Variants in BRINP3 observed in about 807,000 individuals in gnomAD.
BRINP3 encodes BMP/retinoic acid-inducible neural-specific protein 3.
In BRINP3, 19 loss-of-function variants were observed where a neutral mutation model predicts 71.0. That is an observed-to-expected ratio of 0.27 (90% CI 0.19 to 0.39). The LOEUF (loss-of-function observed/expected upper bound fraction) is 0.39. BRINP3 is among the 10% of genes least tolerant of loss of function. The probability of loss-of-function intolerance (pLI) is 1.00; values close to 1 mark genes in which losing one functional copy is unlikely to be tolerated. For missense variants in BRINP3, 959 were observed against 940.8 expected, an observed-to-expected ratio of 1.02 and a Z score of -0.25; for synonymous variants, 380 against 337.7, an observed-to-expected ratio of 1.13 and a Z score of -1.37.
intron 2 of BRINP3, among the ~76,000 whole-genome samples, chr1:190,399,057 A>C (rs2102346303): frequency 6.6e-6 from 1 of 152,124 alleles, no homozygotes. Context: ...CTTTGTGCGC[A>C]GAAATTACTA....
intron 1 of BRINP3, among the ~76,000 whole-genome samples, chr1:190,472,347 G>A (rs1439170104): frequency 1.3e-5 from 2 of 151,480 alleles, no homozygotes; most frequent in Non-Finnish European, 3.0e-5. Flanking sequence ...CCTTTATTAC[G>A]ATGTGAAAGA....
At chr1:190,426,478 T>C (rs1473059070) in intron 2 of BRINP3, among the ~76,000 whole-genome samples, 6 of 151,896 alleles carry the variant, frequency 4.0e-5, no homozygotes, top group Admixed American at 3.9e-4. Context: ...TGAGCGTCCC[T>C]AATCCAAAAA....
intron 2 of BRINP3, among the ~76,000 whole-genome samples, chr1:190,353,917 C>T (rs965993535): frequency 4.6e-5 from 7 of 152,086 alleles, no homozygotes; most frequent in African/African-American, 1.7e-4. Context: ...TGCTTTCACT[C>T]TTAGTTTTGC....
At chr1:190,140,383 TTA>T (rs981339053) in intron 7 of BRINP3, among the ~76,000 whole-genome samples, 2 of 152,128 alleles carry the variant, frequency 1.3e-5, no homozygotes, top group African/African-American at 2.4e-5. Context: ...ACTATTATTA[TTA>T]TATGTTTATT....
chr1:190,440,945 G>T (rs932189576), intron 2 of BRINP3, among the ~76,000 whole-genome samples: 1 of 151,786 alleles, frequency 6.6e-6, no homozygotes, highest in Admixed American at 6.6e-5. Flanking sequence ...AAAAAGAAAA[G>T]GAGGGTCCTA....
At chr1:190,311,020 G>C (rs923585489) in intron 2 of BRINP3, among the ~76,000 whole-genome samples, 3 of 151,630 alleles carry the variant, frequency 2.0e-5, no homozygotes, top group African/African-American at 7.3e-5. Flanking sequence ...TTGAATGCTA[G>C]AGCCAGGTTT....
chr1:190,281,842 A>C (rs1447654212), intron 2 of BRINP3, 92 bp from the exon 3 acceptor site: 1 of 1,179,926 alleles, frequency 8.5e-7, no homozygotes, highest in African/African-American at 1.6e-5. Flanking sequence ...AGTACATTAC[A>C]ATGTCTCTTG....
chr1:190,314,366 T>C (rs777144370), intron 2 of BRINP3, among the ~76,000 whole-genome samples: 4 of 152,220 alleles, frequency 2.6e-5, no homozygotes, highest in African/African-American at 7.2e-5. Flanking sequence ...TGTCTTGGGT[T>C]ACGGGACAAA....
At chr1:190,389,630 A>G (rs1392642534) in intron 2 of BRINP3, among the ~76,000 whole-genome samples, 4 of 151,782 alleles carry the variant, frequency 2.6e-5, no homozygotes, top group African/African-American at 7.2e-5. Context: ...GCTGGGTGAT[A>G]TTGGAAAATC....
chr1:190,385,766 A>G (rs1045459377), intron 2 of BRINP3, among the ~76,000 whole-genome samples: 5 of 152,068 alleles, frequency 3.3e-5, no homozygotes, highest in African/African-American at 1.2e-4. Flanking sequence ...ATGCTGGTAT[A>G]AAGACACATG....
intron 2 of BRINP3, among the ~76,000 whole-genome samples, chr1:190,305,605 G>A (rs1427544396): frequency 6.6e-6 from 1 of 151,444 alleles, no homozygotes; most frequent in African/African-American, 2.4e-5. Flanking sequence ...GGGAGATGGG[G>A]GTAAACTGGT....
At chr1:190,245,539 G>A (rs1427988589) in intron 4 of BRINP3, among the ~76,000 whole-genome samples, 1 of 151,754 alleles carries the variant, frequency 6.6e-6, no homozygotes, top group Admixed American at 6.6e-5. Context: ...AACATCATCA[G>A]CTATGTTAAT....
intron 2 of BRINP3, among the ~76,000 whole-genome samples, chr1:190,442,653 C>A (rs1361994067): frequency 6.6e-6 from 1 of 151,354 alleles, no homozygotes; most frequent in Non-Finnish European, 1.5e-5. Context: ...AAGGTACTTA[C>A]GTGTGTGTGT....
chr1:190,425,268 G>A (rs925400036), intron 2 of BRINP3, among the ~76,000 whole-genome samples: 6 of 151,554 alleles, frequency 4.0e-5, no homozygotes, highest in Non-Finnish European at 8.9e-5. Flanking sequence ...AGATTTAAAA[G>A]ACATATGAGT....
chr1:190,145,779 C>T (rs1655832466), intron 7 of BRINP3, among the ~76,000 whole-genome samples: 1 of 151,964 alleles, frequency 6.6e-6, no homozygotes, highest in South Asian at 2.1e-4. Flanking sequence ...AACCTAACTG[C>T]CCATCAACCA....
At chr1:190,149,829 T>C (rs998975235) in intron 7 of BRINP3, among the ~76,000 whole-genome samples, 2 of 152,180 alleles carry the variant, frequency 1.3e-5, no homozygotes, top group East Asian at 3.8e-4. Flanking sequence ...CCTACATGAA[T>C]TCTTCCTGCT....
At chr1:190,412,328 A>C (rs1248867032) in intron 2 of BRINP3, among the ~76,000 whole-genome samples, 1 of 150,424 alleles carries the variant, frequency 6.6e-6, no homozygotes, top group East Asian at 1.9e-4. Context: ...AGGAAATTTA[A>C]AAATCATATA....
At chr1:190,266,834 C>T (rs190638979) in intron 3 of BRINP3, among the ~76,000 whole-genome samples, 7 of 152,146 alleles carry the variant, frequency 4.6e-5, no homozygotes, top group Admixed American at 4.6e-4. Context: ...GTGAATTATG[C>T]AAGAGACATG....
chr1:190,133,012 C>T (rs918060344), intron 7 of BRINP3, among the ~76,000 whole-genome samples: 4 of 151,956 alleles, frequency 2.6e-5, no homozygotes, highest in Non-Finnish European at 5.9e-5. Context: ...TCTCCCAGGC[C>T]CAGTGAGGCC....
Sources: allele counts gnomAD v4.1 joint callset (sites outside exome capture counted in the v4.1 genomes callset), GRCh38; gene constraint gnomAD v4.1.1; transcripts MANE v1.5; gene names NCBI Gene and HGNC (gene_info 2026-07-23, HGNC 2026-07-21).